Variants in EPG5 observed in about 807,000 individuals in gnomAD.
The protein encoded by EPG5 is ectopic P granules protein 5 homolog.
Under a neutral mutation model 302.7 loss-of-function variants are expected in EPG5, and 159 were observed. The ratio of observed to expected loss-of-function variants is 0.53; its 90% CI spans 0.46 to 0.60. EPG5 has a LOEUF of 0.60. Among genes scored for constraint, EPG5 ranks in the 20% least tolerant of loss-of-function variants. The probability of loss-of-function intolerance (pLI) is 0.00; values close to 1 mark genes in which losing one functional copy is unlikely to be tolerated. For missense variants in EPG5, 2,896 were observed against 3,092.4 expected, an observed-to-expected ratio of 0.94 and a Z score of 1.51; for synonymous variants, 1,158 against 1,136.8, an observed-to-expected ratio of 1.02 and a Z score of -0.37.
chr18:45,842,026 G>A, the EPG5 span: 1 of 1,288,198 alleles, frequency 7.8e-7, no homozygotes, highest in Non-Finnish European at 1.1e-6. Context: ...CCTCTTCTTG[G>A]CCCACTGCTG....
chr18:45,817,467 G>A, the EPG5 span, among the ~76,000 whole-genome samples: 2 of 152,200 alleles, frequency 1.3e-5, no homozygotes, highest in Non-Finnish European at 2.9e-5. Flanking sequence ...ATAATTCTGT[G>A]AGTGAGGAAT....
the EPG5 span, chr18:45,838,701 C>A: frequency 6.4e-7 from 1 of 1,554,562 alleles, no homozygotes; most frequent in South Asian, 1.2e-5. Context: ...GACAGTCACC[C>A]GCCTTCTCCC....
chr18:45,936,696 G>A (rs1409510925), intron 10 of EPG5, among the ~76,000 whole-genome samples: 2 of 139,996 alleles, frequency 1.4e-5, no homozygotes, highest in African/African-American at 5.4e-5. Context: ...ACTCCATCTT[G>A]GACAACAGAG....
chr18:45,839,230 T>C, the EPG5 span: 5 of 1,212,460 alleles, frequency 4.1e-6, no homozygotes, highest in Non-Finnish European at 5.3e-6. Flanking sequence ...GGCGCTTTCC[T>C]CTCTTTGCAT....
chr18:45,915,868 G>A, intron 19 of EPG5, 141 bp downstream of exon 19: 1 of 839,654 alleles, frequency 1.2e-6, no homozygotes, highest in Non-Finnish European at 1.8e-6. Flanking sequence ...ACGATTATCG[G>A]GATAAGGTAC....
rs11876831 is a variant in EPG5, at chr18:45,943,609, G to A, written c.1793-298C>T. Among the ~76,000 whole-genome samples, 1,511 of 152,192 alleles carry A rather than the reference G, an allele frequency of 9.9e-3. 16 individuals carry two copies. Among genetic ancestry groups the A allele is most frequent in the South Asian group, 0.028 (137 of 4,816 alleles). ...TAGAACAGCTAGGCACAAGAAACCC[G>A]AGTTGGAGCCTACACAAGAAGTAAG... On this transcript the variant is annotated intron_variant, in intron 8 of 43. Coordinates refer to ENST00000282041, the MANE Select transcript of EPG5 (RefSeq NM_020964.3).
the EPG5 span, chr18:45,840,330 G>C: frequency 1.4e-6 from 2 of 1,436,534 alleles, no homozygotes; most frequent in Non-Finnish European, 1.9e-6. Flanking sequence ...GGAATAAATG[G>C]CAAAGGGCTG....
the EPG5 span, among the ~76,000 whole-genome samples, chr18:45,802,399 T>A: frequency 6.6e-6 from 1 of 152,138 alleles, no homozygotes; most frequent in Non-Finnish European, 1.5e-5. Context: ...ATGCACCTGT[T>A]GTCCCAGCTA....
Position 45,915,991 on chromosome 18 carries a change from C to A in EPG5, c.3582+18G>T, listed in dbSNP as rs1240884427. On this transcript the variant is annotated intron_variant, in intron 19 of 43. Coordinates refer to ENST00000282041, the MANE Select transcript of EPG5 (RefSeq NM_020964.3). ...CTAGCCAATCACTGAAAGATAAATTCTCTAACAGGTTAATTACCTTATGTT... is the reference window on the plus strand; with the variant it reads ...CTAGCCAATCACTGAAAGATAAATTATCTAACAGGTTAATTACCTTATGTT... 1 of 1,591,340 alleles carries A rather than the reference C, an allele frequency of 6.3e-7. No individual in the cohort carries two copies. Among genetic ancestry groups the A allele is most frequent in the Admixed American group, 1.8e-5 (1 of 55,960 alleles).
chr18:45,839,057 T>G, the EPG5 span: 727 of 1,512,368 alleles, frequency 4.8e-4, 1 homozygote, highest in Non-Finnish European at 6.1e-4. Flanking sequence ...CTGCTGCTGC[T>G]CGGGGTCCTG....
At chr18:45,923,776 C>T (rs187231130) in intron 14 of EPG5, among the ~76,000 whole-genome samples, 117 of 152,288 alleles carry the variant, frequency 7.7e-4, no homozygotes, top group Middle Eastern at 3.4e-3. Flanking sequence ...TGCCTGTAAT[C>T]CCAGCACTTT....
intron 10 of EPG5, among the ~76,000 whole-genome samples, chr18:45,936,961 T>C (rs1461571075): frequency 6.6e-6 from 1 of 151,932 alleles, no homozygotes; most frequent in Non-Finnish European, 1.5e-5. Context: ...CAACTGGTAG[T>C]TCAAACCCAC....
intron 39 of EPG5, among the ~76,000 whole-genome samples, chr18:45,864,229 C>G (rs2048695063): frequency 6.6e-6 from 1 of 152,198 alleles, no homozygotes; most frequent in African/African-American, 2.4e-5. Context: ...CCTCCTGCCT[C>G]CGCCTCCATG....
At chr18:45,835,628 C>T in the EPG5 span, among the ~76,000 whole-genome samples, 3 of 152,254 alleles carry the variant, frequency 2.0e-5, no homozygotes, top group Non-Finnish European at 4.4e-5. Context: ...TGATGCTTTG[C>T]TTTGCTATTT....
chr18:45,863,083 T>C (rs2048670072), intron 39 of EPG5, among the ~76,000 whole-genome samples: 1 of 152,220 alleles, frequency 6.6e-6, no homozygotes, highest in Non-Finnish European at 1.5e-5. Flanking sequence ...GTTTTCTGCC[T>C]TACAGATCTA....
intron 7 of EPG5, 60 bp from the exon 8 acceptor site, chr18:45,944,179 C>T (rs75005183): frequency 3.9e-6 from 4 of 1,027,860 alleles, no homozygotes; most frequent in Middle Eastern, 2.1e-4. Flanking sequence ...TATGATCTAG[C>T]GTTACAGGAG....
chr18:45,912,493 G>T, intron 21 of EPG5, 37 bp from the exon 22 acceptor site: 1 of 1,565,346 alleles, frequency 6.4e-7, no homozygotes, highest in Non-Finnish European at 8.6e-7. Flanking sequence ...GCCACAAAAT[G>T]AACATAAATG....
chr18:45,868,339 C>CA (rs1555662794), intron 36 of EPG5, among the ~76,000 whole-genome samples: 3 of 138,162 alleles, frequency 2.2e-5, no homozygotes, highest in East Asian at 4.1e-4. Context: ...TTCCTTTTTC[C>CA]TTTTTTTTTT....
intron 34 of EPG5, among the ~76,000 whole-genome samples, chr18:45,877,921 T>C (rs1342553797): frequency 6.6e-6 from 1 of 152,240 alleles, no homozygotes; most frequent in Non-Finnish European, 1.5e-5. Flanking sequence ...GACAGCTCTA[T>C]ACCTCTAAGT....
Sources: gnomAD v4.1 joint callset for allele counts (sites outside exome capture counted in the v4.1 genomes callset) on GRCh38, gnomAD v4.1.1 for gene constraint, MANE v1.5 for transcripts, NCBI Gene and HGNC (gene_info 2026-07-23, HGNC 2026-07-21) for gene names.